Variants in ARID1B observed in about 807,000 individuals in gnomAD.
ARID1B encodes AT-rich interaction domain 1B, also known as AT-rich interactive domain-containing protein 1B.
A neutral mutation model predicts 212.3 loss-of-function variants in ARID1B; 30 were observed. The ratio of observed to expected loss-of-function variants is 0.14; its 90% CI spans 0.11 to 0.19. The LOEUF is 0.19. Ranked by LOEUF, ARID1B falls within the 10% of genes least tolerant of loss-of-function variation. ARID1B has a pLI of 1.00. For synonymous variants in ARID1B, 1,402 were observed against 1,301.7 expected (o/e 1.08, Z -1.66); for missense variants, 2,891 against 3,204.0 (o/e 0.90, Z 2.36).
At chr6:157,052,099 C>G (rs1420595844) in intron 4 of ARID1B, among the ~76,000 whole-genome samples, 1 of 152,084 alleles carries the variant, frequency 6.6e-6, no homozygotes, top group Non-Finnish European at 1.5e-5. Flanking sequence ...CGTATTTTAC[C>G]AAGTAATGAC....
chr6:156,778,247 A>C lies in ARID1B; in HGVS notation c.567A>C (p.Leu189=), dbSNP rs577625187. 1.7e-5 allele frequency: 26 copies of C among 1,541,170 alleles called. No individual in the cohort carries two copies. Among genetic ancestry groups the C allele is most frequent in the Middle Eastern group, 3.5e-4 (2 of 5,738 alleles). Residue 189 remains leucine, a synonymous_variant, in exon 1 of 20, where the codon CTA becomes CTC. Transcript: ENST00000636930. ...ACCACCTCCACCACCACCACGCACT[A>C]CAGCAGCAGCTAAACCAGTTCCAGC... ...HAHHLHHHHA[L]QQQLNQFQQQ...
At chr6:156,890,671 C>T (rs1388260563) in intron 2 of ARID1B, among the ~76,000 whole-genome samples, 2 of 152,218 alleles carry the variant, frequency 1.3e-5, no homozygotes, top group Admixed American at 6.5e-5. Context: ...GCCCATTCTG[C>T]AGTGTGGGAC....
rs116661275 is a variant in ARID1B, at chr6:156,935,463, T to A, written c.2137-3T>A. 1.4e-3 allele frequency: 2,221 copies of A among 1,605,292 alleles called. 18 individuals carry two copies. The African/African-American group carries it at 0.019, about 13-fold the overall frequency. The stretch of plus-strand genomic sequence containing the variant: ...AGTGCTTTGTGTTTGTGTTTTTTTT[T>A]AGGACATGTCTCAGGAAGGCTATGG... On this transcript the variant is annotated splice_polypyrimidine_tract_variant and splice_region_variant and intron_variant, in intron 3 of 19. Coordinates refer to ENST00000636930, the MANE Select transcript of ARID1B (RefSeq NM_001374828.1).
intron 4 of ARID1B, among the ~76,000 whole-genome samples, chr6:157,066,390 G>A (rs377026219): frequency 5.1e-4 from 77 of 152,110 alleles, no homozygotes; most frequent in African/African-American, 1.8e-3. Flanking sequence ...TGTTTTCTGA[G>A]GACTGTATAT....
At chr6:157,053,572 G>T (rs945769349) in intron 4 of ARID1B, among the ~76,000 whole-genome samples, 2 of 152,142 alleles carry the variant, frequency 1.3e-5, no homozygotes, top group African/African-American at 4.8e-5. Flanking sequence ...ATTCAATCCT[G>T]CAACTTTATT....
In ARID1B at chr6:157,207,377, A is replaced by G. The variant is rs2128397756; in HGVS notation, c.6605A>G (p.Gln2202Arg). 6.2e-7 allele frequency: 1 copy of G among 1,614,204 alleles called. No individual in the cohort carries two copies. Among genetic ancestry groups the G allele is most frequent in the Non-Finnish European group, 8.5e-7 (1 of 1,180,038 alleles). ...GGACCCAACTCGGTCCTGTCGCCTC[A>G]GAGACTTGTGCTGGAGACCCTCTGT... is the stretch of plus-strand genomic sequence containing the variant. The part of the protein sequence containing the change: ...TVGPNSVLSP[Q>R]RLVLETLCKL... Residue 2202 changes from glutamine (Q) to arginine (R), a missense_variant, in exon 20 of 20, where the codon CAG becomes CGG. Gln to Arg is a conservative substitution (Grantham distance 43). Coordinates refer to ENST00000636930, the MANE Select transcript of ARID1B (RefSeq NM_001374828.1). The surrounding 1 kb of genome is among the most constrained non-coding windows in gnomAD (Gnocchi z 8.5).
intron 7 of ARID1B, among the ~76,000 whole-genome samples, chr6:157,135,623 A>G (rs751128014): frequency 6.6e-6 from 1 of 152,140 alleles, no homozygotes; most frequent in African/African-American, 2.4e-5. Context: ...GGTACTCTCA[A>G]TGTCCAAATC....
intron 2 of ARID1B, among the ~76,000 whole-genome samples, chr6:156,900,342 C>T (rs1207756053): frequency 1.3e-5 from 2 of 152,178 alleles, no homozygotes; most frequent in Non-Finnish European, 2.9e-5. Flanking sequence ...TTCTTAGAGG[C>T]TAAATGTTTT....
At chr6:156,816,079 A>G (rs1221044501) in intron 1 of ARID1B, among the ~76,000 whole-genome samples, 2 of 152,224 alleles carry the variant, frequency 1.3e-5, no homozygotes, top group Non-Finnish European at 2.9e-5. Flanking sequence ...ACATCTATTC[A>G]TATACTTTGG....
intron 19 of ARID1B, chr6:157,205,040 T>A (rs1015240428): frequency 1.2e-4 from 19 of 152,226 alleles, no homozygotes; most frequent in Non-Finnish European, 2.1e-4. Context: ...TATACTGCAT[T>A]TGCTAGAGTA....
At chr6:156,917,881 T>C (rs1171657529) in intron 3 of ARID1B, among the ~76,000 whole-genome samples, 1 of 152,204 alleles carries the variant, frequency 6.6e-6, no homozygotes, top group African/African-American at 2.4e-5. Context: ...GATGGGTGTT[T>C]AAATGATATT....
intron 11 of ARID1B, among the ~76,000 whole-genome samples, chr6:157,176,284 C>T (rs773758496): frequency 2.0e-5 from 3 of 152,152 alleles, no homozygotes; most frequent in Non-Finnish European, 4.4e-5. Context: ...GGGGTGCATC[C>T]GAACTCGCAG....
intron 4 of ARID1B, among the ~76,000 whole-genome samples, chr6:157,066,418 T>C (rs754434444): frequency 6.6e-6 from 1 of 152,254 alleles, no homozygotes; most frequent in Non-Finnish European, 1.5e-5. Flanking sequence ...GAATTTTAAA[T>C]GGTCTCCTGA....
At chr6:156,925,842 A>T (rs918029745) in intron 3 of ARID1B, among the ~76,000 whole-genome samples, 1 of 152,204 alleles carries the variant, frequency 6.6e-6, no homozygotes, top group African/African-American at 2.4e-5. Context: ...CACATGCAAG[A>T]GACCCATTCC....
intron 4 of ARID1B, among the ~76,000 whole-genome samples, chr6:156,948,458 T>C (rs927129212): frequency 5.3e-5 from 8 of 152,288 alleles, no homozygotes; most frequent in Middle Eastern, 3.4e-3. Flanking sequence ...CAGGCTGGTG[T>C]TGAACTCCTG....
rs143435549 is a variant in ARID1B, at chr6:157,061,633, T to C, written c.2248-23029T>C. On this transcript the variant is annotated intron_variant, in intron 4 of 19. Coordinates refer to ENST00000636930, the MANE Select transcript of ARID1B (RefSeq NM_001374828.1). ...ATTTCACATAAGCAATGAATAAAATTTTAGTATAAGTCCAAATATTACATG... is the reference window on the plus strand; with the variant it reads ...ATTTCACATAAGCAATGAATAAAATCTTAGTATAAGTCCAAATATTACATG... 1.0e-3 allele frequency among the ~76,000 whole-genome samples: 155 copies of C among 152,302 alleles called. 1 individual carries two copies. The East Asian group carries it at 0.013, about 13-fold the overall frequency.
At chr6:156,814,653 ATGGG>A (rs1781835855) in intron 1 of ARID1B, among the ~76,000 whole-genome samples, 1 of 152,118 alleles carries the variant, frequency 6.6e-6, no homozygotes, top group African/African-American at 2.4e-5. Context: ...TGCGGGAGAG[ATGGG>A]GTCCCAAGAT....
chr6:157,176,333 A>C (rs930680120), intron 11 of ARID1B, among the ~76,000 whole-genome samples: 3 of 152,044 alleles, frequency 2.0e-5, no homozygotes, highest in Non-Finnish European at 4.4e-5. Flanking sequence ...TCTTTGTGTT[A>C]TTTGCTTTGA....
intron 2 of ARID1B, among the ~76,000 whole-genome samples, chr6:156,883,405 A>C (rs556581746): frequency 9.9e-5 from 15 of 152,272 alleles, no homozygotes; most frequent in African/African-American, 3.6e-4. Context: ...GGACAAATAG[A>C]TTGCCTTGTC....
Sources: gnomAD v4.1 joint callset for allele counts (sites outside exome capture counted in the v4.1 genomes callset) on GRCh38, gnomAD v4.1.1 for gene constraint, Gnocchi (gnomAD v3.1) non-coding constraint, MANE v1.5 for transcripts, NCBI Gene and HGNC (gene_info 2026-07-23, HGNC 2026-07-21) for gene names.